GCA: variants seen among roughly 807,000 people sequenced by gnomAD.
GCA encodes grancalcin.
GCA carries 30 observed loss-of-function variants against 32.6 expected under a neutral mutation model. That is an observed-to-expected ratio of 0.92 (90% confidence interval 0.69 to 1.25). The LOEUF (loss-of-function observed/expected upper bound fraction) is 1.25. Ranked by LOEUF, GCA falls within the 50% of genes most tolerant of loss-of-function variation. The pLI is 0.00. For missense variants in GCA, 291 were observed against 266.8 expected, an observed-to-expected ratio of 1.09 and a Z score of -0.63; for synonymous variants, 102 against 84.6, an observed-to-expected ratio of 1.21 and a Z score of -1.13.
At chr2:162,371,100 A>T (rs897041687) in intron 4 of GCA, among the ~76,000 whole-genome samples, 1 of 152,130 alleles carries the variant, frequency 6.6e-6, no homozygotes, top group Non-Finnish European at 1.5e-5. Context: ...TCCAGAAAAA[A>T]AGCAAAATGA....
At chr2:162,335,110 G>A (rs943638159) in intron 1 of GCA, among the ~76,000 whole-genome samples, 1 of 152,086 alleles carries the variant, frequency 6.6e-6, no homozygotes, top group Non-Finnish European at 1.5e-5. Flanking sequence ...CCACTCCCTA[G>A]CTATAGTGAT....
At position 162,362,363 on chromosome 2, in the gene GCA, G is replaced by C; in HGVS notation, c.*2120G>C. ...CAAACTTATGTTAACAAAAACATTAGGCCTAGAGAATATTTTACCAGAATT... is the reference window on the plus strand; with the variant it reads ...CAAACTTATGTTAACAAAAACATTACGCCTAGAGAATATTTTACCAGAATT... On this transcript the variant is annotated 3_prime_UTR_variant, in exon 8 of 8. Coordinates refer to ENST00000437150, the MANE Select transcript of GCA (RefSeq NM_012198.5). 1.0e-6 allele frequency: 1 copy of C among 981,238 alleles called. No individual in the cohort carries two copies. Among genetic ancestry groups the C allele is most frequent in the South Asian group, 4.7e-5 (1 of 21,220 alleles). 60.8% of individuals were successfully genotyped at this position (981,238 alleles called of 1,614,324 possible).
chr2:162,359,800 T>A lies in GCA; in HGVS notation c.627+248T>A, dbSNP rs537018249. On this transcript the variant is annotated intron_variant, in intron 7 of 7. Transcript: ENST00000437150. ...CAGGTTTTTTGAATTAAAAAAAAAA[T>A]GATCTTTCAAATCACTTTTAAGGGC... 7.9e-5 allele frequency among the ~76,000 whole-genome samples: 12 copies of A among 151,130 alleles called. No homozygotes were observed. The South Asian group carries it at 2.3e-3, about 29-fold the overall frequency.
rs374882252 is a variant in GCA, at chr2:162,325,659, G to A, written c.-31+6434G>A. ...ATTGGTACTGCTTCTCTTCCGGTTG[G>A]ATAATGTTTGCCCCCTTCCCTGACA... On this transcript the variant is annotated intron_variant, in intron 1 of 4. Transcript: ENST00000429691. Among the ~76,000 whole-genome samples the A allele has an allele frequency of 9.2e-5, 14 of 152,236 alleles. 1 individual carries two copies. In the South Asian group the frequency reaches 2.9e-3, roughly 32 times the overall value.
chr2:162,326,054 C>T (rs1389580921), intron 1 of GCA, among the ~76,000 whole-genome samples: 1 of 152,102 alleles, frequency 6.6e-6, no homozygotes, highest in African/African-American at 2.4e-5. Flanking sequence ...AGGAGCAGGG[C>T]TTGAGGGAGT....
chr2:162,325,704 C>T (rs929843472), intron 1 of GCA, among the ~76,000 whole-genome samples: 2 of 152,176 alleles, frequency 1.3e-5, no homozygotes, highest in Admixed American at 6.5e-5. Flanking sequence ...ATACAAAACT[C>T]ATCCCCAAAT....
chr2:162,368,660 CAT>C (rs1685831574), intron 4 of GCA, among the ~76,000 whole-genome samples: 1 of 151,980 alleles, frequency 6.6e-6, no homozygotes, highest in Non-Finnish European at 1.5e-5. Context: ...CTTACACAAA[CAT>C]ATTAAACCTG....
chr2:162,321,310 T>C (rs1683654995), intron 1 of GCA, among the ~76,000 whole-genome samples: 1 of 152,220 alleles, frequency 6.6e-6, no homozygotes, highest in Admixed American at 6.5e-5. Context: ...CTTTCTCTTT[T>C]GAGGCAGGAG....
rs1024708026 is a variant in GCA at position 162,360,298 on chromosome 2, G to C, written c.*55G>C. On this transcript the variant is annotated 3_prime_UTR_variant, in exon 8 of 8. Transcript: ENST00000437150. ...CTGTGAATTCTTTTGTTTGGAAGAA[G>C]TGAACTGGACTACTTTAAAACTTTT... The C allele has an allele frequency of 4.5e-6, 7 of 1,569,612 alleles. No homozygotes were observed. Among genetic ancestry groups the C allele is most frequent in the African/African-American group, 2.8e-5 (2 of 72,136 alleles).
chr2:162,332,682 T>C (rs572693803), intron 1 of GCA, among the ~76,000 whole-genome samples: 87 of 152,288 alleles, frequency 5.7e-4, no homozygotes, highest in African/African-American at 1.9e-3. Context: ...ACTGTCTTGC[T>C]TATAGTAACT....
rs183418474 is a variant in GCA at position 162,326,472 on chromosome 2, T to C, written c.-31+7247T>C. ...GGTGAAGAGAACTAGTTGCCCATTC[T>C]GAAAGACAGGGAATAGAGGCATCCC... is the stretch of plus-strand genomic sequence containing the variant. On this transcript the variant is annotated intron_variant, in intron 1 of 4. Coordinates refer to the GCA transcript ENST00000429691. 2.5e-4 allele frequency among the ~76,000 whole-genome samples: 38 copies of C among 152,316 alleles called. No homozygotes were observed. In the East Asian group the frequency reaches 5.8e-3, roughly 23 times the overall value.
chr2:162,322,821 G>A (rs1253919133), intron 1 of GCA, among the ~76,000 whole-genome samples: 23 of 151,400 alleles, frequency 1.5e-4, no homozygotes, highest in South Asian at 2.1e-4. Context: ...TGGACATTTG[G>A]GTTGGTTCCA....
intron 1 of GCA, among the ~76,000 whole-genome samples, chr2:162,323,063 T>A (rs1389194242): frequency 6.6e-5 from 10 of 151,758 alleles, no homozygotes; most frequent in Non-Finnish European, 1.3e-4. Flanking sequence ...ATCCTCTCCA[T>A]CACCTGTTGT....
chr2:162,353,028 A>G (rs1399400988), intron 3 of GCA, among the ~76,000 whole-genome samples: 1 of 152,130 alleles, frequency 6.6e-6, no homozygotes, highest in Non-Finnish European at 1.5e-5. Context: ...TAGCTGTCAT[A>G]CTGGGATTCT....
chr2:162,342,506 G>A (rs1684485062), upstream of GCA, among the ~76,000 whole-genome samples: 1 of 152,176 alleles, frequency 6.6e-6, no homozygotes, highest in Non-Finnish European at 1.5e-5. Context: ...TGTTGTACAT[G>A]CACTGTGTTT....
intron 1 of GCA, among the ~76,000 whole-genome samples, chr2:162,327,242 T>C (rs2105263940): frequency 6.6e-6 from 1 of 152,252 alleles, no homozygotes; most frequent in Admixed American, 6.5e-5. Flanking sequence ...AAAAGGTATG[T>C]TAGTGGCTAT....
chr2:162,348,173 C>T (rs1311124695), intron 2 of GCA, among the ~76,000 whole-genome samples: 1 of 152,132 alleles, frequency 6.6e-6, no homozygotes, highest in Non-Finnish European at 1.5e-5. Context: ...CATACTCTCC[C>T]TGAGTGATAG....
chr2:162,364,669 A>G (rs1226849173), downstream of GCA, among the ~76,000 whole-genome samples: 2 of 151,524 alleles, frequency 1.3e-5, no homozygotes, highest in Non-Finnish European at 3.0e-5. Context: ...TGGCCAACAC[A>G]TTTTATTTAC....
downstream of GCA, among the ~76,000 whole-genome samples, chr2:162,367,733 G>A (rs537559768): frequency 3.9e-5 from 6 of 152,074 alleles, no homozygotes; most frequent in Non-Finnish European, 8.8e-5. Flanking sequence ...TAAATCTTGG[G>A]AAATTGTTCT....
Sources: allele counts gnomAD v4.1 joint callset (sites outside exome capture counted in the v4.1 genomes callset), GRCh38; gene constraint gnomAD v4.1.1; transcripts MANE v1.5; gene names NCBI Gene and HGNC (gene_info 2026-07-23, HGNC 2026-07-21).